The following ALDH1A1 variants were observed in gnomAD, a reference collection of about 807,000 sequenced individuals.
ALDH1A1 encodes aldehyde dehydrogenase 1 family member A1, also known as aldehyde dehydrogenase 1A1.
ALDH1A1 carries 19 observed loss-of-function variants against 62.1 expected under a neutral mutation model. That is an observed-to-expected ratio of 0.31 (90% CI 0.21 to 0.45). The LOEUF is 0.45. ALDH1A1 is among the 20% of genes least tolerant of loss of function. The pLI, the probability that ALDH1A1 is intolerant of heterozygous loss-of-function variation, is 1.00. For missense variants in ALDH1A1, 521 were observed against 607.1 expected (o/e 0.86, Z 1.49); for synonymous variants, 231 against 215.9 (o/e 1.07, Z -0.61).
chr9:72,927,096 T>C lies in ALDH1A1; in HGVS notation c.504+20A>G, dbSNP rs1690768225. 1.9e-6 allele frequency: 3 copies of C among 1,561,604 alleles called. No individual in the cohort carries two copies. In the African/African-American group the frequency reaches 4.1e-5, roughly 21 times the overall value. ...AACTCTTCTTTTTAAAATTGAGAAT[T>C]ATATAGGAGAAAAGCTTACAGGAAT... is the stretch of plus-strand genomic sequence containing the variant. On this transcript the variant is annotated intron_variant, in intron 5 of 12. Transcript: ENST00000297785.
At chr9:72,930,240 C>A (rs1180985122) in intron 3 of ALDH1A1, among the ~76,000 whole-genome samples, 1 of 152,130 alleles carries the variant, frequency 6.6e-6, no homozygotes, top group Admixed American at 6.6e-5. Flanking sequence ...ACTCATCTAA[C>A]TGCTAAAACA....
intron 11 of ALDH1A1, among the ~76,000 whole-genome samples, chr9:72,908,540 AAAGAAAAGAAAGAAGAAAG>A (rs565384614): frequency 3.6e-5 from 3 of 83,118 alleles, no homozygotes; most frequent in Admixed American, 2.8e-4. Context: ...AGAAAGAAAG[AAAGAAAAGAAAGAAGAAAG>A]AAAGAAAGAA....
chr9:72,938,007 T>C (rs1323335491), intron 2 of ALDH1A1, among the ~76,000 whole-genome samples: 2 of 152,106 alleles, frequency 1.3e-5, no homozygotes, highest in Non-Finnish European at 2.9e-5. Context: ...ACCAAGGGCC[T>C]CTCCTAAATC....
At chr9:72,946,049 G>A (rs1830470047) in intron 1 of ALDH1A1, among the ~76,000 whole-genome samples, 1 of 151,870 alleles carries the variant, frequency 6.6e-6, no homozygotes, top group Non-Finnish European at 1.5e-5. Context: ...CACAGCATTT[G>A]TTTTGAGCCA....
intron 12 of ALDH1A1, 28 bp from the exon 13 acceptor site, chr9:72,901,308 A>G (rs750848620): frequency 5.9e-5 from 89 of 1,504,354 alleles, no homozygotes; most frequent in Non-Finnish European, 7.6e-5. Context: ...ATACCCACAA[A>G]CACCATTTAG....
chr9:72,936,512 T>C (rs1461915902), intron 2 of ALDH1A1, among the ~76,000 whole-genome samples: 4 of 152,182 alleles, frequency 2.6e-5, no homozygotes, highest in African/African-American at 9.7e-5. Flanking sequence ...TTATTGCTTT[T>C]CTCACCTTCC....
chr9:72,908,585 AAGAAAGAAAG>A (rs1564622743), intron 11 of ALDH1A1, among the ~76,000 whole-genome samples: 3 of 135,326 alleles, frequency 2.2e-5, no homozygotes, highest in African/African-American at 8.3e-5. Context: ...GAAAGAAAGA[AAGAAAGAAAG>A]AAAGAAAGAA....
At chr9:72,903,662 T>A (rs1230269791) in intron 12 of ALDH1A1, among the ~76,000 whole-genome samples, 3 of 151,880 alleles carry the variant, frequency 2.0e-5, no homozygotes, top group African/African-American at 4.8e-5. Context: ...AAATTATCTA[T>A]ACTCATGTTC....
chr9:72,933,063 C>T (rs996473659), intron 2 of ALDH1A1, among the ~76,000 whole-genome samples: 2 of 152,178 alleles, frequency 1.3e-5, no homozygotes, highest in African/African-American at 2.4e-5. Flanking sequence ...TTGGATCATG[C>T]GCCCCCTTTT....
chr9:72,901,594 A>G (rs539398012), intron 12 of ALDH1A1, among the ~76,000 whole-genome samples: 1 of 152,198 alleles, frequency 6.6e-6, no homozygotes, highest in East Asian at 1.9e-4. Flanking sequence ...TGCAGATGCA[A>G]CAAGATCATC....
At chr9:72,909,460 T>G in intron 11 of ALDH1A1, 142 bp downstream of exon 11, 3 of 782,878 alleles carry the variant, frequency 3.8e-6, no homozygotes, top group Non-Finnish European at 5.6e-6. Flanking sequence ...ACCCAGCCTT[T>G]TGTTTGTTTT....
At chr9:72,920,948 AT>A (rs1310618481) in intron 7 of ALDH1A1, among the ~76,000 whole-genome samples, 1 of 152,198 alleles carries the variant, frequency 6.6e-6, no homozygotes, top group East Asian at 1.9e-4. Flanking sequence ...GTAGAGTTCT[AT>A]TTTATATGAA....
intron 11 of ALDH1A1, among the ~76,000 whole-genome samples, chr9:72,906,291 T>C (rs1240272950): frequency 6.6e-6 from 1 of 152,176 alleles, no homozygotes; most frequent in Non-Finnish European, 1.5e-5. Flanking sequence ...TGAGAAGTGG[T>C]AGTCTGAATT....
Position 72,917,015 on chromosome 9 carries a change from A to T in ALDH1A1, c.940T>A (p.Ser314Thr). ...CTTCGAACAAACTCATCATAAATTG[A>T]TTCTTCCACAAAAATCCTGGATGCG... ...IAASRIFVEE[S>T]IYDEFVRRSV... Residue 314 changes from serine to threonine, a missense_variant, in exon 9 of 13, where the codon TCA becomes ACA. Coordinates refer to ENST00000297785, the MANE Select transcript of ALDH1A1 (RefSeq NM_000689.5). The T allele has an allele frequency of 6.2e-7, 1 of 1,613,936 alleles. No homozygotes were observed. The highest frequency in any genetic ancestry group is 1.1e-5 in the South Asian group (1 of 91,048).
chr9:72,918,980 G>A (rs952450971), intron 7 of ALDH1A1, among the ~76,000 whole-genome samples, 158 bp from the exon 8 acceptor site: 43 of 152,028 alleles, frequency 2.8e-4, no homozygotes, highest in African/African-American at 9.4e-4. Context: ...TCACACTGTC[G>A]ACTGGGCTGG....
At chr9:72,931,282 A>G (rs1239277575) in intron 2 of ALDH1A1, among the ~76,000 whole-genome samples, 1 of 152,210 alleles carries the variant, frequency 6.6e-6, no homozygotes, top group African/African-American at 2.4e-5. Context: ...AATAGTTGCT[A>G]TCATCTGAGT....
Position 72,952,975 on chromosome 9 carries a change from A to C in ALDH1A1, c.26T>G (p.Leu9Ter). The C allele has an allele frequency of 6.2e-7, 1 of 1,613,230 alleles. No homozygotes were observed. The highest frequency in any genetic ancestry group is 1.1e-5 in the South Asian group (1 of 91,052). Residue 9 changes from leucine (L) to a stop codon, truncating the protein, a stop_gained, in exon 1 of 13, where the codon TTA becomes TGA. Coordinates refer to ENST00000297785, the MANE Select transcript of ALDH1A1 (RefSeq NM_000689.5). LOFTEE classifies it high-confidence loss of function. Reference protein sequence around the residue: MSSSGTPDLPVLLTDLKIQ... With the variant: MSSSGTPD The stretch of plus-strand genomic sequence containing the variant: ...CTTCAAATCGGTGAGTAGGACAGGT[A>C]AGTCTGGCGTGCCTGAGGATGACAT...
chr9:72,908,571 GAAAGAAAGA>G lies in ALDH1A1; in HGVS notation c.1358+1022_1358+1030del, dbSNP rs1232070141. On this transcript the variant is annotated intron_variant, in intron 11 of 12. Coordinates refer to ENST00000297785, the MANE Select transcript of ALDH1A1 (RefSeq NM_000689.5). ...AAGAAAGAAGAAAGAAAGAAAGAAA[GAAAGAAAGA>G]AAGAAAGAAAGAAAGAAAGAAAGAA... 1.1e-3 allele frequency among the ~76,000 whole-genome samples: 98 copies of G among 91,444 alleles called. 1 individual carries two copies. The highest frequency in any genetic ancestry group is 2.0e-3 in the South Asian group (5 of 2,506). The allele number at this position is 91,444 out of a possible 152,430, so 60.0% of individuals were successfully genotyped here. A position where few individuals can be genotyped will look rare whatever the true frequency, so the allele number is the denominator to read the frequency against.
At chr9:72,908,547 AGAAAG>A (rs1829918795) in intron 11 of ALDH1A1, among the ~76,000 whole-genome samples, 1 of 60,922 alleles carries the variant, frequency 1.6e-5, no homozygotes, top group African/African-American at 6.1e-5. Context: ...AAGAAAGAAA[AGAAAG>A]AAGAAAGAAA....
Sources: gnomAD v4.1 joint callset for allele counts (sites outside exome capture counted in the v4.1 genomes callset) on GRCh38, gnomAD v4.1.1 for gene constraint, MANE v1.5 for transcripts, NCBI Gene and HGNC (gene_info 2026-07-23, HGNC 2026-07-21) for gene names.